Variants in PLEKHG1 observed in about 807,000 individuals in gnomAD.
PLEKHG1 encodes the protein pleckstrin homology domain-containing family G member 1.
PLEKHG1 carries 44 observed loss-of-function variants against 100.8 expected under a neutral mutation model. The observed-to-expected ratio is 0.44, with a 90% CI of 0.34 to 0.56. The LOEUF (loss-of-function observed/expected upper bound fraction) is 0.56. PLEKHG1 is among the 20% of genes least tolerant of loss of function. The pLI is 0.01. For synonymous variants in PLEKHG1, 640 were observed against 662.5 expected (o/e 0.97, Z 0.52); for missense variants, 1,545 against 1,720.9 (o/e 0.90, Z 1.81).
intron 1 of PLEKHG1, chr6:150,632,866 A>C (rs529332510): frequency 1.3e-5 from 2 of 152,370 alleles, no homozygotes; most frequent in South Asian, 4.1e-4. Flanking sequence ...TGGGGAAACG[A>C]GCTTGAGGAT....
At chr6:150,631,253 G>C (rs1398534542) in intron 1 of PLEKHG1, among the ~76,000 whole-genome samples, 1 of 151,642 alleles carries the variant, frequency 6.6e-6, no homozygotes. Flanking sequence ...TTCAATTCCT[G>C]TCTCTCTCTC....
chr6:150,796,839 C>T (rs948502502), intron 5 of PLEKHG1, among the ~76,000 whole-genome samples: 4 of 152,100 alleles, frequency 2.6e-5, no homozygotes, highest in Admixed American at 6.6e-5. Context: ...TGGATTTGAA[C>T]CAAGGTTTCT....
upstream of PLEKHG1, among the ~76,000 whole-genome samples, chr6:150,718,469 CTTTT>C (rs3072740): frequency 7.7e-6 from 1 of 130,686 alleles, no homozygotes; most frequent in Non-Finnish European, 1.6e-5. Context: ...CTTCCCTTTA[CTTTT>C]TTTTTTTTTT....
intron 7 of PLEKHG1, among the ~76,000 whole-genome samples, chr6:150,805,448 A>AC (rs1339533269): frequency 6.6e-6 from 1 of 151,944 alleles, no homozygotes; most frequent in Non-Finnish European, 1.5e-5. Context: ...TAGGCAGGGG[A>AC]CGCAGAGTAA....
intron 13 of PLEKHG1, among the ~76,000 whole-genome samples, chr6:150,823,081 G>A (rs1776395330): frequency 6.6e-6 from 1 of 152,126 alleles, no homozygotes; most frequent in South Asian, 2.1e-4. Flanking sequence ...TTGTTTCCTC[G>A]GAGGATGGGA....
In PLEKHG1 at chr6:150,790,851, A is replaced by G. The variant is rs960780186; in HGVS notation, c.582+4392A>G. 2.0e-5 allele frequency among the ~76,000 whole-genome samples: 3 copies of G among 152,016 alleles called. No individual in the cohort carries two copies. The East Asian group carries it at 5.8e-4, about 29-fold the overall frequency. Reference sequence around the variant, plus strand: ...AGCTTGACCAACGTGATGAAACCCCATCTCTACTAAAAATACAAAAAAATT... The same window carrying G: ...AGCTTGACCAACGTGATGAAACCCCGTCTCTACTAAAAATACAAAAAAATT... On this transcript the variant is annotated intron_variant, in intron 4 of 15. Transcript: ENST00000358517.
At chr6:150,742,597 G>A (rs1012519293) in intron 2 of PLEKHG1, among the ~76,000 whole-genome samples, 18 of 148,402 alleles carry the variant, frequency 1.2e-4, no homozygotes, top group African/African-American at 2.7e-4. Flanking sequence ...AAAAAAGAGC[G>A]CAGGGAGGGC....
chr6:150,655,741 C>G (rs1211038316), intron 3 of PLEKHG1, among the ~76,000 whole-genome samples: 1 of 142,566 alleles, frequency 7.0e-6, no homozygotes, highest in East Asian at 2.0e-4. Flanking sequence ...GAAAATGTGA[C>G]AAATATACAC....
chr6:150,828,479 A>G (rs911585089), intron 14 of PLEKHG1: 8 of 1,047,174 alleles, frequency 7.6e-6, no homozygotes, highest in Non-Finnish European at 8.0e-6. Context: ...TGTGGTTTTT[A>G]GTTTTGTATA....
chr6:150,609,257 G>A (rs1776725888), intron 1 of PLEKHG1, among the ~76,000 whole-genome samples: 1 of 152,178 alleles, frequency 6.6e-6, no homozygotes, highest in Non-Finnish European at 1.5e-5. Context: ...GAATGAAGAG[G>A]AAACCCTACA....
In PLEKHG1 at chr6:150,769,676, A is replaced by G. The variant is rs76528009; in HGVS notation, c.512+938A>G. ...GCACAGAAGCTGCTGTTCAACATAC[A>G]TGAGTTTGCATCCCAGCAAAGCCCC... On this transcript the variant is annotated intron_variant, in intron 3 of 15. Coordinates refer to ENST00000358517, the Ensembl canonical transcript of PLEKHG1. 8.4e-3 allele frequency among the ~76,000 whole-genome samples: 1,285 copies of G among 152,208 alleles called. 20 individuals carry two copies. The highest frequency in any genetic ancestry group is 0.029 in the African/African-American group (1,224 of 41,512).
intron 2 of PLEKHG1, among the ~76,000 whole-genome samples, chr6:150,752,922 G>A (rs570802069): frequency 1.3e-5 from 2 of 152,118 alleles, no homozygotes; most frequent in South Asian, 2.1e-4. Context: ...AGCCAGCCTC[G>A]GCAACATGGC....
In PLEKHG1 at chr6:150,724,716, C is replaced by T. The variant is rs532912341; in HGVS notation, c.-99+3516C>T. Among the ~76,000 whole-genome samples the T allele has an allele frequency of 6.6e-5, 10 of 152,006 alleles. No homozygotes were observed. In the East Asian group the frequency reaches 1.7e-3, roughly 27 times the overall value. On this transcript the variant is annotated intron_variant, in intron 1 of 15. Transcript: ENST00000358517. The stretch of plus-strand genomic sequence containing the variant: ...CTGGGATTACATGCACCTGCCACTA[C>T]GCCTGGCTAATTTTTGTATTTTTAG...
At chr6:150,820,219 A>C (rs1038681400) in intron 12 of PLEKHG1, among the ~76,000 whole-genome samples, 4 of 152,048 alleles carry the variant, frequency 2.6e-5, no homozygotes, top group Non-Finnish European at 5.9e-5. Context: ...AAAAAAAAAA[A>C]ACCTCTTTTC....
At chr6:150,644,353 G>GTTTTTTTTTTTTTTTT (rs1778403177) in intron 2 of PLEKHG1, among the ~76,000 whole-genome samples, 1 of 43,218 alleles carries the variant, frequency 2.3e-5, no homozygotes, top group African/African-American at 8.0e-5. Context: ...TTTTTTTTTT[G>GTTTTTTTTTTTTTTTT]TTACAGAGTC....
chr6:150,800,454 CA>C (rs1647333046), intron 5 of PLEKHG1, among the ~76,000 whole-genome samples: 1 of 152,182 alleles, frequency 6.6e-6, no homozygotes, highest in African/African-American at 2.4e-5. Flanking sequence ...GGCCCTGGCA[CA>C]AGGCCGCGTC....
At chr6:150,606,352 T>C (rs1283533475) in intron 1 of PLEKHG1, among the ~76,000 whole-genome samples, 1 of 152,174 alleles carries the variant, frequency 6.6e-6, no homozygotes, top group African/African-American at 2.4e-5. Context: ...ATAGATTTAA[T>C]TTAACATAAA....
At chr6:150,622,900 G>A (rs1777362101) in intron 1 of PLEKHG1, among the ~76,000 whole-genome samples, 1 of 152,154 alleles carries the variant, frequency 6.6e-6, no homozygotes, top group African/African-American at 2.4e-5. Context: ...TTTTGTAGTG[G>A]CATCCCCCCT....
At chr6:150,728,299 A>G (rs56686369) in intron 1 of PLEKHG1, among the ~76,000 whole-genome samples, 26,158 of 152,144 alleles carry the variant, frequency 0.17, 3,361 homozygotes, top group African/African-American at 0.36. Context: ...CAACAGTATA[A>G]AAAAGTAAAA....
Sources: gnomAD v4.1 joint callset for allele counts (sites outside exome capture counted in the v4.1 genomes callset) on GRCh38, gnomAD v4.1.1 for gene constraint, MANE v1.5 for transcripts, NCBI Gene and HGNC (gene_info 2026-07-23, HGNC 2026-07-21) for gene names.